ZNF709: variants seen among roughly 807,000 people sequenced by gnomAD.
ZNF709 encodes zinc finger protein 709.
A neutral mutation model predicts 10.6 loss-of-function variants in ZNF709; 15 were observed. The observed-to-expected ratio is 1.41, with a 90% CI of 0.95 to 2.18. The LOEUF (loss-of-function observed/expected upper bound fraction) is 2.18, where lower values mean the gene tolerates loss of function less well. Ranked by LOEUF, ZNF709 falls within the 30% of genes most tolerant of loss-of-function variation. ZNF709 has a pLI of 0.00. For missense variants in ZNF709, 589 were observed against 774.0 expected (o/e 0.76, Z 2.84); for synonymous variants, 194 against 238.8 (o/e 0.81, Z 1.73).
At chr19:12,479,922 G>A (rs1441483091) in intron 1 of ZNF709, among the ~76,000 whole-genome samples, 3 of 151,992 alleles carry the variant, frequency 2.0e-5, no homozygotes, top group Non-Finnish European at 4.4e-5. Flanking sequence ...GGGAATTTTG[G>A]TAAGCCAAGT....
Position 12,466,475 on chromosome 19 carries a change from CCT to C in ZNF709, c.173_174del (p.Gln58ArgfsTer14), listed in dbSNP as rs757555968. ...EEKNIEDHKN[Q>X]GRKLRSHMVE... ...AGTACAACTCACCTTAGCTTTCTCC[CCT>C]GATTTTTGTGATCTTCAATGTTCTT... is the stretch of plus-strand genomic sequence containing the variant. On this transcript the variant is annotated frameshift_variant, in exon 3 of 4. Transcript: ENST00000397732. LOFTEE classifies it low-confidence loss of function (END_TRUNC). 1.4e-5 allele frequency: 22 copies of C among 1,613,826 alleles called. No individual in the cohort carries two copies. The highest frequency in any genetic ancestry group is 1.9e-5 in the Non-Finnish European group (22 of 1,179,976).
chr19:12,481,969 GAAGGA>G (rs1970731298), intron 1 of ZNF709, among the ~76,000 whole-genome samples: 3 of 79,134 alleles, frequency 3.8e-5, no homozygotes, highest in Non-Finnish European at 7.4e-5. Flanking sequence ...AGGAAAGGAA[GAAGGA>G]AAGGAAAGGA....
chr19:12,475,961 A>G (rs935610452), intron 1 of ZNF709, among the ~76,000 whole-genome samples: 3 of 152,258 alleles, frequency 2.0e-5, no homozygotes, highest in African/African-American at 7.2e-5. Context: ...AATTCAATGA[A>G]AAAAGATAGC....
chr19:12,471,049 C>A (rs1432032507), intron 1 of ZNF709, among the ~76,000 whole-genome samples: 1 of 152,026 alleles, frequency 6.6e-6, no homozygotes, highest in African/African-American at 2.4e-5. Context: ...GCAGAGGATG[C>A]CTACTTGATC....
intron 1 of ZNF709, among the ~76,000 whole-genome samples, chr19:12,467,205 C>T (rs896231756): frequency 6.6e-6 from 1 of 152,248 alleles, no homozygotes; most frequent in African/African-American, 2.4e-5. Context: ...CTGGACTGTA[C>T]TGCTGCCATC....
chr19:12,479,652 C>T (rs540616500), intron 1 of ZNF709, among the ~76,000 whole-genome samples: 1 of 152,024 alleles, frequency 6.6e-6, no homozygotes, highest in Non-Finnish European at 1.5e-5. Context: ...AGGTGGATCG[C>T]GAGATCAGGA....
Position 12,462,922 on chromosome 19 carries a change from CTT to C in ZNF709, c.*1072_*1073del, listed in dbSNP as rs1970529593. ...CAACTTGTGTACAACTGTATAAGAG[CTT>C]ACAGAATTATCTCATCTCAGTGTTC... On this transcript the variant is annotated 3_prime_UTR_variant, in exon 4 of 4. Coordinates refer to ENST00000397732, the MANE Select transcript of ZNF709 (RefSeq NM_152601.4). 1 of 152,144 alleles carries C rather than the reference CTT, an allele frequency of 6.6e-6. No homozygotes were observed. Among genetic ancestry groups the C allele is most frequent in the Non-Finnish European group, 1.5e-5 (1 of 68,020 alleles). The allele number at this position is 152,144 out of a possible 1,614,324, so 9.4% of individuals were successfully genotyped here. A position where few individuals can be genotyped will look rare whatever the true frequency, so the allele number is the denominator to read the frequency against.
At chr19:12,472,993 T>C (rs909849302) in intron 1 of ZNF709, among the ~76,000 whole-genome samples, 1 of 152,196 alleles carries the variant, frequency 6.6e-6, no homozygotes, top group Non-Finnish European at 1.5e-5. Flanking sequence ...GTCAATTAGC[T>C]ACTCCCAAGT....
intron 1 of ZNF709, among the ~76,000 whole-genome samples, chr19:12,473,834 G>A (rs773718769): frequency 7.9e-5 from 12 of 152,160 alleles, no homozygotes; most frequent in Non-Finnish European, 1.3e-4. Flanking sequence ...CTTGATGCCA[G>A]GAATTCATGA....
At chr19:12,466,909 A>T (rs8100400) in intron 1 of ZNF709, 59 bp from the exon 2 acceptor site, 1,202,182 of 1,566,688 alleles carry the variant, frequency 0.77, 464,234 homozygotes, top group Non-Finnish European at 0.79. Context: ...TGGGGATATA[A>T]ACTCAGTTCA....
intron 1 of ZNF709, among the ~76,000 whole-genome samples, chr19:12,475,376 C>T (rs965254483): frequency 7.0e-6 from 1 of 143,416 alleles, no homozygotes; most frequent in Admixed American, 6.9e-5. Context: ...AGAAATTAAA[C>T]AAAACCAAAG....
chr19:12,479,831 C>T (rs141473001), intron 1 of ZNF709, among the ~76,000 whole-genome samples: 4,119 of 152,158 alleles, frequency 0.027, 79 homozygotes, highest in South Asian at 0.053. Context: ...GATTGTGCCA[C>T]TGCACCCCAG....
chr19:12,478,219 C>T (rs1413654351), intron 1 of ZNF709, among the ~76,000 whole-genome samples: 1 of 152,158 alleles, frequency 6.6e-6, no homozygotes, highest in Non-Finnish European at 1.5e-5. Flanking sequence ...CCATGAGCAC[C>T]TTGTATGCCA....
chr19:12,464,303 G>C lies in ZNF709; in HGVS notation c.1619C>G (p.Ala540Gly), dbSNP rs202242871. 5.0e-6 allele frequency: 8 copies of C among 1,606,672 alleles called. No homozygotes were observed. Among genetic ancestry groups the C allele is most frequent in the Non-Finnish European group, 5.9e-6 (7 of 1,176,730 alleles). The change falls in exon 4 of 4, where the codon GCG (alanine) becomes GGG (glycine). Residue 540 changes from alanine to glycine, a missense_variant. Coordinates refer to ENST00000397732, the MANE Select transcript of ZNF709 (RefSeq NM_152601.4). ...TCGAATGGAACTGGAACAACTAAAC[G>C]CCTTACCACACTGTTTACATTCATA... ...KPYECKQCGK[A>G]FSCSSSIRIH...
chr19:12,477,210 G>T (rs1249968699), intron 1 of ZNF709, among the ~76,000 whole-genome samples: 5 of 152,184 alleles, frequency 3.3e-5, no homozygotes, highest in Non-Finnish European at 1.5e-5. Context: ...AGGCCAAACT[G>T]TACTTTTAAA....
In ZNF709 at chr19:12,461,419, G is replaced by A. The variant is rs1206486553; in HGVS notation, c.*2577C>T. 3.9e-5 allele frequency: 6 copies of A among 152,068 alleles called. No homozygotes were observed. Among genetic ancestry groups the A allele is most frequent in the Non-Finnish European group, 8.8e-5 (6 of 68,032 alleles). The allele number at this position is 152,068 out of a possible 1,614,324, so 9.4% of individuals were successfully genotyped here. A position where few individuals can be genotyped will look rare whatever the true frequency, so the allele number is the denominator to read the frequency against. Reference sequence around the variant, plus strand: ...ACACCGACAATCTGCTTGATATTAGGAAGGTGCTTATTCTTACACTGTAGG... The same window carrying A: ...ACACCGACAATCTGCTTGATATTAGAAAGGTGCTTATTCTTACACTGTAGG... On this transcript the variant is annotated 3_prime_UTR_variant, in exon 4 of 4. Transcript: ENST00000397732.
chr19:12,463,411 T>C lies in ZNF709; in HGVS notation c.*585A>G, dbSNP rs1486207342. ...CACATTCTTTACATTTTTAAGGTTA[T>C]AAATTCTTTACATTTATAGGGCATA... On this transcript the variant is annotated 3_prime_UTR_variant, in exon 4 of 4. Transcript: ENST00000397732. 3 of 152,222 alleles carry C rather than the reference T, an allele frequency of 2.0e-5. No individual in the cohort carries two copies. The highest frequency in any genetic ancestry group is 4.4e-5 in the Non-Finnish European group (3 of 68,028). The allele number at this position is 152,222 out of a possible 1,614,324, so 9.4% of individuals were successfully genotyped here. A position where few individuals can be genotyped will look rare whatever the true frequency, so the allele number is the denominator to read the frequency against.
intron 1 of ZNF709, among the ~76,000 whole-genome samples, chr19:12,476,734 G>T (rs151128893): frequency 1.3e-3 from 205 of 152,320 alleles, no homozygotes; most frequent in African/African-American, 4.7e-3. Flanking sequence ...AGGGACAATA[G>T]CTATTTCATA....
At chr19:12,478,583 G>A (rs1162521184) in intron 1 of ZNF709, among the ~76,000 whole-genome samples, 3 of 152,182 alleles carry the variant, frequency 2.0e-5, no homozygotes, top group East Asian at 1.9e-4. Flanking sequence ...TTCCTGTGTC[G>A]TTCCAATGTT....
Sources: allele counts gnomAD v4.1 joint callset (sites outside exome capture counted in the v4.1 genomes callset), GRCh38; gene constraint gnomAD v4.1.1; transcripts MANE v1.5; gene names NCBI Gene and HGNC (gene_info 2026-07-23, HGNC 2026-07-21).